SAMD3: variants seen among roughly 807,000 people sequenced by gnomAD.
SAMD3 encodes sterile alpha motif domain-containing protein 3.
Under a neutral mutation model 58.5 loss-of-function variants are expected in SAMD3, and 63 were observed. The observed-to-expected ratio is 1.08, with a 90% confidence interval of 0.88 to 1.33. The LOEUF (loss-of-function observed/expected upper bound fraction) is 1.33. Among genes scored for constraint, SAMD3 ranks in the 40% most tolerant of loss-of-function variants. The pLI is 0.00. For missense variants in SAMD3, 604 were observed against 608.4 expected (o/e 0.99, Z 0.08); for synonymous variants, 220 against 210.3 (o/e 1.05, Z -0.40).
chr6:130,246,061 T>G (rs919513936), intron 2 of SAMD3, among the ~76,000 whole-genome samples: 2 of 152,160 alleles, frequency 1.3e-5, no homozygotes, highest in African/African-American at 4.8e-5. Context: ...TTCCCCCAGT[T>G]GCAAGTATCA....
intron 5 of SAMD3, among the ~76,000 whole-genome samples, chr6:130,190,751 TCTC>T (rs1406482567): frequency 1.3e-5 from 2 of 151,958 alleles, no homozygotes; most frequent in Non-Finnish European, 2.9e-5. Flanking sequence ...CATAAACCCT[TCTC>T]CTCTGTGATC....
At position 130,183,187 on chromosome 6, in the gene SAMD3, T is replaced by C. The variant is rs534722100; in HGVS notation, c.654+916A>G. 1.4e-5 allele frequency: 5 copies of C among 355,928 alleles called. No individual in the cohort carries two copies. The East Asian group carries it at 3.8e-4, about 27-fold the overall frequency. 22.0% of individuals were successfully genotyped at this position (355,928 alleles called of 1,614,324 possible). A position where few individuals can be genotyped will look rare whatever the true frequency, so the allele number is the denominator to read the frequency against. ...TAGAATAATCCCATCCTCAAATTAA[T>C]TCAATCTGAATCTCTAGGAATCCTA... is the stretch of plus-strand genomic sequence containing the variant. On this transcript the variant is annotated intron_variant, in intron 7 of 11. Transcript: ENST00000439090.
intron 8 of SAMD3, 24 bp from the exon 9 acceptor site, chr6:130,155,049 A>C: frequency 1.9e-6 from 3 of 1,586,288 alleles, no homozygotes; most frequent in Non-Finnish European, 2.6e-6. Flanking sequence ...TCAACATATC[A>C]ATGGATTCCA....
In SAMD3 at chr6:130,281,926, GA is replaced by G. The variant is rs756344467; in HGVS notation, c.-188+31051del. Reference sequence around the variant, plus strand: ...CCCATGTTAAGCTTATGCGCCAGTGGAATAGACCTACTCACAGATCTTCAAA... The same window carrying G: ...CCCATGTTAAGCTTATGCGCCAGTGGATAGACCTACTCACAGATCTTCAAA... On this transcript the variant is annotated intron_variant, in intron 2 of 13. Transcript: ENST00000368134. Among the ~76,000 whole-genome samples the G allele has an allele frequency of 1.6e-3, 247 of 152,072 alleles. 3 individuals are homozygous for G. The highest frequency in any genetic ancestry group is 1.6e-3 in the Non-Finnish European group (108 of 67,986).
intron 7 of SAMD3, among the ~76,000 whole-genome samples, chr6:130,180,258 C>A (rs1056709528): frequency 2.7e-5 from 4 of 148,902 alleles, no homozygotes; most frequent in Non-Finnish European, 5.9e-5. Flanking sequence ...GTAGCTGAGA[C>A]TACAGGCTCA....
At chr6:130,200,262 T>A (rs1794524496) in intron 5 of SAMD3, among the ~76,000 whole-genome samples, 1 of 151,870 alleles carries the variant, frequency 6.6e-6, no homozygotes, top group South Asian at 2.1e-4. Flanking sequence ...CTTTTCTTTT[T>A]TTCTTCCTCA....
rs369267560 is a variant in SAMD3 at position 130,178,121 on chromosome 6, T to C, written c.655-2113A>G. Among the ~76,000 whole-genome samples the C allele has an allele frequency of 1.4e-4, 21 of 152,078 alleles. 1 individual carries two copies. The highest frequency in any genetic ancestry group is 3.9e-4 in the East Asian group (2 of 5,188). On this transcript the variant is annotated intron_variant, in intron 7 of 11. Transcript: ENST00000439090. The stretch of plus-strand genomic sequence containing the variant: ...TCCTGAGTAGCTGGGATTACAGACA[T>C]GTGCCACCACAGCCAGCTAATTTTT...
intron 2 of SAMD3, among the ~76,000 whole-genome samples, chr6:130,289,142 ATGT>A (rs1250878356): frequency 2.6e-5 from 4 of 152,182 alleles, no homozygotes; most frequent in Non-Finnish European, 4.4e-5. Flanking sequence ...AAGGAGAAGG[ATGT>A]TGTTGTTGAG....
intron 1 of SAMD3, among the ~76,000 whole-genome samples, chr6:130,342,158 G>A (rs1037406155): frequency 1.3e-5 from 2 of 152,072 alleles, no homozygotes; most frequent in African/African-American, 4.8e-5. Context: ...CTGGAATAAG[G>A]GGCCATAGCT....
intron 1 of SAMD3, among the ~76,000 whole-genome samples, chr6:130,342,164 T>C (rs1463627634): frequency 6.6e-6 from 1 of 152,210 alleles, no homozygotes; most frequent in African/African-American, 2.4e-5. Flanking sequence ...TAAGGGGCCA[T>C]AGCTTTTACC....
chr6:130,274,088 C>T (rs1478000614), intron 2 of SAMD3, among the ~76,000 whole-genome samples: 1 of 152,020 alleles, frequency 6.6e-6, no homozygotes, highest in Non-Finnish European at 1.5e-5. Context: ...ATAAGGTATT[C>T]CCTCAGTTTT....
rs545873560 is a variant in SAMD3 at position 130,288,455 on chromosome 6, C to G, written c.-188+24523G>C. Among the ~76,000 whole-genome samples the G allele has an allele frequency of 3.6e-3, 502 of 138,264 alleles. 5 individuals carry two copies. Among genetic ancestry groups the G allele is most frequent in the African/African-American group, 0.011 (451 of 39,806 alleles). 90.7% of individuals were successfully genotyped at this position (138,264 alleles called of 152,430 possible). On this transcript the variant is annotated intron_variant, in intron 2 of 13. Coordinates refer to the SAMD3 transcript ENST00000368134. ...CTACTGATTTAAATGTTAATCACAT[C>G]TGAAAAAAAATAGCTTCATAGCAAC...
intron 2 of SAMD3, among the ~76,000 whole-genome samples, chr6:130,310,264 T>C (rs1475056003): frequency 6.6e-6 from 1 of 152,224 alleles, no homozygotes; most frequent in Non-Finnish European, 1.5e-5. Flanking sequence ...GTATTGCAAA[T>C]GTAATCTTAG....
At chr6:130,340,659 A>G (rs1453069156) in intron 1 of SAMD3, among the ~76,000 whole-genome samples, 2 of 152,244 alleles carry the variant, frequency 1.3e-5, no homozygotes, top group Non-Finnish European at 2.9e-5. Context: ...ATGAAAATAG[A>G]TTCTCACAAT....
chr6:130,361,874 C>T (rs530513710), intron 1 of SAMD3, among the ~76,000 whole-genome samples: 7 of 152,266 alleles, frequency 4.6e-5, no homozygotes, highest in African/African-American at 9.6e-5. Flanking sequence ...TGCTACATGC[C>T]GACCCAAATG....
At chr6:130,337,171 C>T (rs963757882) in intron 1 of SAMD3, among the ~76,000 whole-genome samples, 1 of 152,110 alleles carries the variant, frequency 6.6e-6, no homozygotes, top group African/African-American at 2.4e-5. Flanking sequence ...TGGGAGGTGA[C>T]TGGATCATGG....
At chr6:130,251,581 A>G (rs1257498351) in intron 2 of SAMD3, among the ~76,000 whole-genome samples, 1 of 152,136 alleles carries the variant, frequency 6.6e-6, no homozygotes, top group Non-Finnish European at 1.5e-5. Context: ...ATGGAATTTC[A>G]TTCTTTAGCA....
rs951121997 is a variant in SAMD3 at position 130,334,808 on chromosome 6, G to T, written c.-303-21715C>A. On this transcript the variant is annotated intron_variant, in intron 1 of 13. Coordinates refer to the SAMD3 transcript ENST00000368134. ...GAAAGCCCATGTTCCCCAACTTCTGGTATAGTTCTTTTTATGCTGCACCAT... is the reference window on the plus strand; with the variant it reads ...GAAAGCCCATGTTCCCCAACTTCTGTTATAGTTCTTTTTATGCTGCACCAT... Among the ~76,000 whole-genome samples, 12 of 152,252 alleles carry T rather than the reference G, an allele frequency of 7.9e-5. No individual in the cohort carries two copies. The East Asian group carries it at 2.1e-3, about 27-fold the overall frequency.
intron 2 of SAMD3, among the ~76,000 whole-genome samples, chr6:130,299,895 C>T (rs1775688554): frequency 6.6e-6 from 1 of 152,062 alleles, no homozygotes; most frequent in Non-Finnish European, 1.5e-5. Flanking sequence ...TGAAACCTCC[C>T]AAGAGTGAAC....
Sources: gnomAD v4.1 joint callset for allele counts (sites outside exome capture counted in the v4.1 genomes callset) on GRCh38, gnomAD v4.1.1 for gene constraint, MANE v1.5 for transcripts, NCBI Gene and HGNC (gene_info 2026-07-23, HGNC 2026-07-21) for gene names.